LLGL2: variants seen among roughly 807,000 people sequenced by gnomAD.
LLGL2 encodes the protein LLGL scribble cell polarity complex component 2.
LLGL2 carries 81 observed loss-of-function variants against 123.2 expected under a neutral mutation model. The observed-to-expected ratio is 0.66, with a 90% CI of 0.55 to 0.79. The LOEUF (loss-of-function observed/expected upper bound fraction) is 0.79. LLGL2 is among the 30% of genes least tolerant of loss of function. The probability of loss-of-function intolerance (pLI) is 0.00; values close to 1 mark genes in which losing one functional copy is unlikely to be tolerated. For missense variants in LLGL2, 1,273 were observed against 1,414.6 expected (o/e 0.90, Z 1.61); for synonymous variants, 577 against 594.1 (o/e 0.97, Z 0.42).
chr17:75,550,062 G>A (rs72859227), intron 2 of LLGL2, among the ~76,000 whole-genome samples: 3,947 of 152,282 alleles, frequency 0.026, 70 homozygotes, highest in Non-Finnish European at 0.039. Context: ...GCTGGATGCC[G>A]CGCTTCGGAG....
At chr17:75,543,742 G>GC (rs2054304051) in intron 2 of LLGL2, among the ~76,000 whole-genome samples, 2 of 152,150 alleles carry the variant, frequency 1.3e-5, no homozygotes, top group Non-Finnish European at 2.9e-5. Context: ...TGTGACCTCT[G>GC]CAAGTCACTC....
At chr17:75,533,002 A>T (rs982310734) in intron 1 of LLGL2, among the ~76,000 whole-genome samples, 8 of 151,836 alleles carry the variant, frequency 5.3e-5, no homozygotes, top group African/African-American at 1.7e-4. Flanking sequence ...TCATTCAAGT[A>T]CTTTTTTTTT....
At position 75,568,504 on chromosome 17, in the gene LLGL2, G is replaced by A. The variant is rs1598624368; in HGVS notation, c.1065G>A (p.Val355=). 6.2e-7 allele frequency: 1 copy of A among 1,613,128 alleles called. No homozygotes were observed. Among genetic ancestry groups the A allele is most frequent in the Non-Finnish European group, 8.5e-7 (1 of 1,179,978 alleles). The part of the protein sequence containing the change: ...ATFDDPYALV[V]LAEEELVVID... ...TTGACGACCCCTATGCCCTGGTGGT[G>A]CTGGCTGAGGAGGAGCTGGTGGTGA... The change falls in exon 11 of 26, where the codon GTG becomes GTA. Residue 355 remains valine (V), a synonymous_variant. Transcript: ENST00000392550.
chr17:75,573,350 T>C, intron 20 of LLGL2, 72 bp downstream of exon 20: 5 of 1,554,034 alleles, frequency 3.2e-6, no homozygotes, highest in Non-Finnish European at 3.5e-6. Context: ...CCAGGGGTGT[T>C]GTGGCCACGG....
chr17:75,529,183 C>T (rs1052959032), intron 1 of LLGL2, among the ~76,000 whole-genome samples: 1 of 152,018 alleles, frequency 6.6e-6, no homozygotes, highest in East Asian at 1.9e-4. Context: ...AATTATCCCT[C>T]CTGCCTGACA....
chr17:75,527,562 A>G (rs117643138), intron 1 of LLGL2, among the ~76,000 whole-genome samples: 3,996 of 152,192 alleles, frequency 0.026, 58 homozygotes, highest in Non-Finnish European at 0.042. Flanking sequence ...AATAGAAAAA[A>G]GTAACTTTTT....
chr17:75,570,294 G>A (rs2147541464), intron 15 of LLGL2, 39 bp downstream of exon 15: 1 of 1,599,032 alleles, frequency 6.3e-7, no homozygotes, highest in Non-Finnish European at 8.5e-7. Context: ...TGGGAGTGGG[G>A]CCCGCGAGGA....
chr17:75,568,384 G>C (rs2055536036), intron 10 of LLGL2, 92 bp from the exon 11 acceptor site: 6 of 1,494,330 alleles, frequency 4.0e-6, no homozygotes, highest in Non-Finnish European at 5.3e-6. Flanking sequence ...TGGATCTGCA[G>C]ATGCCCTGGC....
At chr17:75,560,749 G>A (rs1044807132) in intron 6 of LLGL2, among the ~76,000 whole-genome samples, 6 of 142,364 alleles carry the variant, frequency 4.2e-5, no homozygotes, top group African/African-American at 1.5e-4. Context: ...GCCTCCCAGA[G>A]TGCTGGGATT....
intron 16 of LLGL2, 78 bp from the exon 17 acceptor site, chr17:75,570,872 A>G (rs2055675699): frequency 1.3e-6 from 2 of 1,487,954 alleles, no homozygotes; most frequent in Non-Finnish European, 1.8e-6. Flanking sequence ...TTCCGATGCA[A>G]GGATCAGCAC....
chr17:75,574,372 C>T, intron 23 of LLGL2, 81 bp from the exon 24 acceptor site: 1 of 1,537,398 alleles, frequency 6.5e-7, no homozygotes, highest in East Asian at 2.5e-5. Context: ...TCCATGGGCA[C>T]CCACGGAGAA....
intron 2 of LLGL2, among the ~76,000 whole-genome samples, chr17:75,548,612 C>T (rs1272162813): frequency 2.6e-5 from 4 of 151,504 alleles, no homozygotes; most frequent in South Asian, 2.1e-4. Flanking sequence ...TCAGCCTAGC[C>T]GGGCATGGTG....
At chr17:75,525,369 C>T (rs2053517376), upstream of LLGL2, among the ~76,000 whole-genome samples, 1 of 152,046 alleles carries the variant, frequency 6.6e-6, no homozygotes, top group South Asian at 2.1e-4. This position sits in a 1 kb window ranked among gnomAD's most constrained non-coding sequence, Gnocchi z 4.8. Flanking sequence ...AGGGACGGCT[C>T]CCCTGGAGTC....
intron 2 of LLGL2, among the ~76,000 whole-genome samples, chr17:75,550,796 A>C (rs1598566571): frequency 6.7e-6 from 1 of 149,536 alleles, no homozygotes; most frequent in East Asian, 2.0e-4. Flanking sequence ...AAAAAAAAAA[A>C]AAAAAAAACA....
chr17:75,543,794 T>G (rs1425066322), intron 2 of LLGL2, among the ~76,000 whole-genome samples: 2 of 152,108 alleles, frequency 1.3e-5, no homozygotes, highest in African/African-American at 4.8e-5. Flanking sequence ...ATCATGGGAA[T>G]AAAACGATCT....
chr17:75,526,164 C>G lies in LLGL2; in HGVS notation c.-31+339C>G, dbSNP rs182300360. ...CGGGCAGAGACGGAGTCCCCGGGCC[C>G]ACGTGCAGGCGCCAGGCCAGCGGGG... On this transcript the variant is annotated intron_variant, in intron 1 of 25. Coordinates refer to ENST00000392550, the MANE Select transcript of LLGL2 (RefSeq NM_001031803.2). 5.1e-3 allele frequency among the ~76,000 whole-genome samples: 779 copies of G among 152,194 alleles called. 8 individuals are homozygous for G. The highest frequency in any genetic ancestry group is 0.017 in the African/African-American group (726 of 41,554).
intron 1 of LLGL2, among the ~76,000 whole-genome samples, chr17:75,532,053 T>TACACACACACACACACACACAC (rs750743324): frequency 7.1e-5 from 5 of 70,296 alleles, no homozygotes; most frequent in East Asian, 3.3e-4. Context: ...TATATGTATA[T>TACACACACACACACACACACAC]ATACACACAC....
rs1489068938 is a variant in LLGL2 at position 75,560,831 on chromosome 17, AAC to A, written c.530+1423_530+1424del. Among the ~76,000 whole-genome samples, 394 of 106,768 alleles carry A rather than the reference AAC, an allele frequency of 3.7e-3. 5 individuals carry two copies. Among genetic ancestry groups the A allele is most frequent in the Non-Finnish European group, 5.1e-3 (287 of 55,856 alleles). 70.0% of individuals were successfully genotyped at this position (106,768 alleles called of 152,430 possible). ...AAAAAAAAAAAAAAAAAAAAAAAAA[AAC>A]AAAGAAAAAACATTTTTTTTGAGAG... On this transcript the variant is annotated intron_variant, in intron 6 of 25. Coordinates refer to ENST00000392550, the MANE Select transcript of LLGL2 (RefSeq NM_001031803.2).
At chr17:75,574,177 C>T (rs1451963482) in intron 22 of LLGL2, 36 bp from the exon 23 acceptor site, 2 of 1,520,196 alleles carry the variant, frequency 1.3e-6, no homozygotes, top group South Asian at 2.5e-5. Flanking sequence ...GAGGAGGGCC[C>T]AGGCGGGGCG....
Sources: allele counts gnomAD v4.1 joint callset (sites outside exome capture counted in the v4.1 genomes callset), GRCh38; gene constraint gnomAD v4.1.1; non-coding constraint Gnocchi (gnomAD v3.1); transcripts MANE v1.5; gene names NCBI Gene and HGNC (gene_info 2026-07-23, HGNC 2026-07-21).